PTGER3: variants seen among roughly 807,000 people sequenced by gnomAD.
The protein encoded by PTGER3 is prostaglandin E receptor 3, also known as prostaglandin E2 receptor EP3 subtype.
PTGER3 carries 22 observed loss-of-function variants against 34.7 expected under a neutral mutation model. The observed-to-expected ratio is 0.63, with a 90% CI of 0.45 to 0.91. The LOEUF (loss-of-function observed/expected upper bound fraction) is 0.91. Ranked by LOEUF, PTGER3 falls within the 40% of genes least tolerant of loss-of-function variation. The pLI, the probability that PTGER3 is intolerant of heterozygous loss-of-function variation, is 0.00. For missense variants in PTGER3, 468 were observed against 519.4 expected (o/e 0.90, Z 0.96); for synonymous variants, 241 against 230.1 (o/e 1.05, Z -0.43).
At chr1:70,854,203 A>G (rs1042829513) in intron 4 of PTGER3, among the ~76,000 whole-genome samples, 2 of 152,316 alleles carry the variant, frequency 1.3e-5, no homozygotes, top group South Asian at 4.1e-4. Context: ...AGATGGGAGA[A>G]AATATTTCCA....
intron 4 of PTGER3, among the ~76,000 whole-genome samples, chr1:70,895,947 G>C (rs1646714814): frequency 6.6e-6 from 1 of 152,240 alleles, no homozygotes; most frequent in Admixed American, 6.5e-5. Context: ...CCTGGAGTAA[G>C]ATTAGGAAGA....
intron 1 of PTGER3, among the ~76,000 whole-genome samples, chr1:71,041,064 T>C (rs1660272705): frequency 6.6e-6 from 1 of 152,228 alleles, no homozygotes; most frequent in Non-Finnish European, 1.5e-5. Context: ...CTGTCATTTC[T>C]GTATAAGAAT....
intron 1 of PTGER3, among the ~76,000 whole-genome samples, chr1:71,023,681 C>G (rs1273855943): frequency 2.0e-5 from 3 of 151,898 alleles, no homozygotes; most frequent in Non-Finnish European, 4.4e-5. Context: ...AAATCCCCAT[C>G]TCTAAAACAG....
At chr1:70,864,183 T>G (rs777675251) in intron 4 of PTGER3, among the ~76,000 whole-genome samples, 10 of 152,178 alleles carry the variant, frequency 6.6e-5, no homozygotes, top group Non-Finnish European at 1.5e-4. Flanking sequence ...AGCTATTTAC[T>G]TCTAGTTTTT....
intron 4 of PTGER3, among the ~76,000 whole-genome samples, chr1:70,922,423 C>T (rs947412701): frequency 1.3e-5 from 2 of 152,058 alleles, no homozygotes; most frequent in East Asian, 3.9e-4. Flanking sequence ...AGGTGATGGG[C>T]CTCCTAAATG....
At chr1:70,873,344 T>C (rs1234860853) in intron 4 of PTGER3, among the ~76,000 whole-genome samples, 3 of 152,182 alleles carry the variant, frequency 2.0e-5, no homozygotes, top group African/African-American at 7.2e-5. Flanking sequence ...TCTTTGCAAA[T>C]CTATTTTCTA....
chr1:70,948,116 T>C (rs1195403937), downstream of PTGER3, among the ~76,000 whole-genome samples: 2 of 152,106 alleles, frequency 1.3e-5, no homozygotes, highest in African/African-American at 4.8e-5. Flanking sequence ...TGCTATCATA[T>C]AAAACCAATG....
chr1:70,992,834 A>G (rs1655596357), intron 2 of PTGER3, among the ~76,000 whole-genome samples: 1 of 152,228 alleles, frequency 6.6e-6, no homozygotes, highest in African/African-American at 2.4e-5. Flanking sequence ...GCTTCTAAGC[A>G]CTTAGCACAG....
At position 71,047,694 on chromosome 1, in the gene PTGER3, C is replaced by T. The variant is rs1326558226; in HGVS notation, c.-117G>A. On this transcript the variant is annotated 5_prime_UTR_variant, in exon 1 of 4. The change abolishes an upstream ATG in the 5' untranslated region. Transcript: ENST00000306666. ...CCGCGGCTGGGGCTGGGCTGCCCCC[C>T]ATGGTGCGGGGCGCAGCCGCCGCCC... The T allele has an allele frequency of 8.0e-7, 1 of 1,251,644 alleles. No individual in the cohort carries two copies. The highest frequency in any genetic ancestry group is 1.6e-5 in the African/African-American group (1 of 63,230). The allele number at this position is 1,251,644 out of a possible 1,614,324, so 77.5% of individuals were successfully genotyped here.
intron 4 of PTGER3, among the ~76,000 whole-genome samples, chr1:70,931,943 A>G (rs1407697660): frequency 6.6e-6 from 1 of 152,000 alleles, no homozygotes; most frequent in African/African-American, 2.4e-5. Context: ...TTTCTTTTCT[A>G]CTGCATTGTC....
intron 4 of PTGER3, among the ~76,000 whole-genome samples, chr1:70,910,359 C>A (rs1057238410): frequency 3.9e-5 from 6 of 152,204 alleles, no homozygotes; most frequent in Non-Finnish European, 8.8e-5. Flanking sequence ...CAATTACACC[C>A]AGGTTGGTGA....
intron 1 of PTGER3, among the ~76,000 whole-genome samples, chr1:71,031,845 A>G (rs901417379): frequency 2.6e-5 from 4 of 152,236 alleles, no homozygotes; most frequent in Non-Finnish European, 5.9e-5. Context: ...CTGAAGTCAG[A>G]AGATATTCCA....
At chr1:71,010,140 T>G in intron 2 of PTGER3, 1 of 985,252 alleles carries the variant, frequency 1.0e-6, no homozygotes, top group South Asian at 4.7e-5. Context: ...GTTTTTTGCC[T>G]TTCTGTATTT....
chr1:70,961,121 C>A (rs1439479093), intron 2 of PTGER3, among the ~76,000 whole-genome samples: 1 of 152,146 alleles, frequency 6.6e-6, no homozygotes, highest in Non-Finnish European at 1.5e-5. Flanking sequence ...AATGTCAAAC[C>A]TGCCTGATGA....
chr1:70,963,034 G>C (rs1652102965), intron 2 of PTGER3, among the ~76,000 whole-genome samples: 1 of 152,150 alleles, frequency 6.6e-6, no homozygotes, highest in Non-Finnish European at 1.5e-5. Flanking sequence ...GTAGCAATTG[G>C]CCAAAATGAA....
intron 4 of PTGER3, among the ~76,000 whole-genome samples, chr1:70,891,299 C>A (rs1259283656): frequency 6.6e-6 from 1 of 152,176 alleles, no homozygotes; most frequent in Non-Finnish European, 1.5e-5. Context: ...CAAGTTATTT[C>A]TATTTGATTT....
chr1:70,872,585 TTAAG>T (rs1233884852), intron 4 of PTGER3, among the ~76,000 whole-genome samples: 1 of 152,174 alleles, frequency 6.6e-6, no homozygotes, highest in Non-Finnish European at 1.5e-5. Context: ...CTTGGAGAAA[TTAAG>T]TAAGATGACC....
intron 2 of PTGER3, among the ~76,000 whole-genome samples, chr1:70,991,470 T>C (rs1425462825): frequency 6.6e-6 from 1 of 152,082 alleles, no homozygotes; most frequent in Non-Finnish European, 1.5e-5. Context: ...ATAGAGAATA[T>C]ATGTGGAGTG....
chr1:70,956,166 A>G (rs1651310850), intron 2 of PTGER3, among the ~76,000 whole-genome samples: 1 of 152,164 alleles, frequency 6.6e-6, no homozygotes, highest in Admixed American at 6.5e-5. Flanking sequence ...AGTTCCCTCT[A>G]TATTTCCTAT....
Sources: gnomAD v4.1 joint callset for allele counts (sites outside exome capture counted in the v4.1 genomes callset) on GRCh38, gnomAD v4.1.1 for gene constraint, MANE v1.5 for transcripts, NCBI Gene and HGNC (gene_info 2026-07-23, HGNC 2026-07-21) for gene names.